The following FOCAD variants were observed in gnomAD, a reference collection of about 807,000 sequenced individuals.
FOCAD encodes focadhesin.
In FOCAD, 198 loss-of-function variants were observed where a neutral mutation model predicts 225.6. The ratio of observed to expected loss-of-function variants is 0.88; its 90% CI spans 0.78 to 0.99. The LOEUF (loss-of-function observed/expected upper bound fraction) is 0.99, where lower values mean the gene tolerates loss of function less well. FOCAD is among the 50% of genes least tolerant of loss of function. The pLI is 0.00. For missense variants in FOCAD, 2,713 were observed against 2,123.6 expected (o/e 1.28, Z -5.46); for synonymous variants, 897 against 755.0 (o/e 1.19, Z -3.08).
chr9:20,874,720 G>T lies in FOCAD; in HGVS notation c.2230G>T (p.Asp744Tyr), dbSNP rs543197802. 1.9e-6 allele frequency: 3 copies of T among 1,613,500 alleles called. No individual in the cohort carries two copies. The South Asian group carries it at 3.3e-5, about 18-fold the overall frequency. ...EIPIPEELDD[D>Y]EDVEDVDLSV... ...TCCCATTCCTGAAGAGTTAGATGAC[G>T]ATGAAGATGTTGAGGATGTGGATCT... Residue 744 changes from aspartate to tyrosine, a missense_variant, in exon 19 of 44, where the codon GAT (aspartate) becomes TAT (tyrosine). Coordinates refer to ENST00000338382, the MANE Select transcript of FOCAD (RefSeq NM_001375567.1).
intron 23 of FOCAD, 36 bp downstream of exon 23, chr9:20,912,990 T>A (rs1295435414): frequency 7.7e-6 from 12 of 1,556,296 alleles, no homozygotes; most frequent in Non-Finnish European, 9.7e-6. Context: ...TTATTTGTCA[T>A]GGGAAGTGAG....
At chr9:20,854,357 T>G (rs779854568) in intron 15 of FOCAD, among the ~76,000 whole-genome samples, 3 of 151,804 alleles carry the variant, frequency 2.0e-5, no homozygotes, top group Non-Finnish European at 4.4e-5. Flanking sequence ...ATAAAGTAGG[T>G]GTACAGTTGT....
At chr9:20,859,152 G>T (rs1828517267) in intron 15 of FOCAD, among the ~76,000 whole-genome samples, 1 of 151,984 alleles carries the variant, frequency 6.6e-6, no homozygotes. Flanking sequence ...ACGTGGGTGG[G>T]TCACCTGAGG....
intron 2 of FOCAD, among the ~76,000 whole-genome samples, chr9:20,669,189 G>A (rs1285196715): frequency 6.6e-6 from 1 of 152,134 alleles, no homozygotes; most frequent in Non-Finnish European, 1.5e-5. Context: ...ATTTAAGGGG[G>A]TGCTCATTCT....
intron 28 of FOCAD, among the ~76,000 whole-genome samples, chr9:20,935,451 A>T (rs887301516): frequency 5.3e-5 from 8 of 152,112 alleles, no homozygotes; most frequent in Admixed American, 3.9e-4. Context: ...CCTAGGCTGG[A>T]GTGCAATGGT....
intron 5 of FOCAD, among the ~76,000 whole-genome samples, chr9:20,744,882 C>A (rs1827922736): frequency 6.6e-6 from 1 of 152,152 alleles, no homozygotes; most frequent in African/African-American, 2.4e-5. Context: ...CACATCTGCT[C>A]ACAAGATGCA....
intron 15 of FOCAD, among the ~76,000 whole-genome samples, chr9:20,861,575 T>A (rs1343534701): frequency 6.6e-6 from 1 of 152,208 alleles, no homozygotes; most frequent in African/African-American, 2.4e-5. Flanking sequence ...AAATACTCTG[T>A]CTACTGTCTT....
intron 11 of FOCAD, among the ~76,000 whole-genome samples, chr9:20,810,534 T>A (rs1445229001): frequency 6.6e-6 from 1 of 152,112 alleles, no homozygotes; most frequent in Non-Finnish European, 1.5e-5. Context: ...AAGAAGGAAA[T>A]TCTATGGATA....
chr9:20,687,850 A>G (rs1822756244), intron 1 of FOCAD, among the ~76,000 whole-genome samples: 1 of 152,328 alleles, frequency 6.6e-6, no homozygotes, highest in South Asian at 2.1e-4. Context: ...TCGTTCACAT[A>G]GTATAGTGGG....
chr9:20,817,533 C>G (rs1457572075), intron 11 of FOCAD, among the ~76,000 whole-genome samples: 1 of 151,956 alleles, frequency 6.6e-6, no homozygotes, highest in Non-Finnish European at 1.5e-5. Flanking sequence ...ATTTTTATGG[C>G]TGAATAATAT....
At chr9:20,673,181 C>T (rs1056466670) in intron 2 of FOCAD, among the ~76,000 whole-genome samples, 1 of 152,004 alleles carries the variant, frequency 6.6e-6, no homozygotes, top group East Asian at 1.9e-4. Context: ...TTGTTTTTAC[C>T]CTTGGTTTTT....
intron 24 of FOCAD, among the ~76,000 whole-genome samples, chr9:20,922,942 C>T (rs1390817536): frequency 7.0e-6 from 1 of 142,238 alleles, no homozygotes; most frequent in Non-Finnish European, 1.5e-5. Context: ...CAGGTTTTTA[C>T]GTTAAATTCA....
chr9:20,767,347 G>A (rs1830135224), intron 7 of FOCAD, among the ~76,000 whole-genome samples: 1 of 138,152 alleles, frequency 7.2e-6, no homozygotes, highest in African/African-American at 2.6e-5. Context: ...CCCAGTAATG[G>A]GATAGCTGGG....
At chr9:20,944,978 TATAAG>T (rs1486087673) in intron 29 of FOCAD, among the ~76,000 whole-genome samples, 2 of 152,222 alleles carry the variant, frequency 1.3e-5, no homozygotes, top group African/African-American at 4.8e-5. Flanking sequence ...AAATGTGGCA[TATAAG>T]ATAAGAGCCT....
At chr9:20,845,442 G>GAGAGATAT (rs368497237) in intron 15 of FOCAD, among the ~76,000 whole-genome samples, 1 of 121,236 alleles carries the variant, frequency 8.2e-6, no homozygotes, top group African/African-American at 3.2e-5. Flanking sequence ...TCTTTTCCTC[G>GAGAGATAT]ATATATATAT....
At chr9:20,845,617 A>G (rs750719856) in intron 15 of FOCAD, among the ~76,000 whole-genome samples, 5 of 151,806 alleles carry the variant, frequency 3.3e-5, no homozygotes, top group Admixed American at 6.6e-5. Context: ...CATATCTCTG[A>G]TTATTTCTTT....
At chr9:20,992,523 T>A (rs1287178306) in intron 42 of FOCAD, among the ~76,000 whole-genome samples, 1 of 152,180 alleles carries the variant, frequency 6.6e-6, no homozygotes, top group African/African-American at 2.4e-5. Context: ...CCAAGTGTAC[T>A]TGGGTTCAAA....
At chr9:20,756,216 G>A (rs565784613) in intron 5 of FOCAD, among the ~76,000 whole-genome samples, 7 of 152,198 alleles carry the variant, frequency 4.6e-5, no homozygotes, top group Admixed American at 3.3e-4. Flanking sequence ...TAGCATTCCC[G>A]TCAGTCAGAA....
intron 6 of FOCAD, among the ~76,000 whole-genome samples, chr9:20,763,832 T>G (rs996597259): frequency 6.6e-6 from 1 of 152,144 alleles, no homozygotes; most frequent in Non-Finnish European, 1.5e-5. Context: ...ATGACCATAT[T>G]TTTATTTTTG....
Sources: gnomAD v4.1 joint callset for allele counts (sites outside exome capture counted in the v4.1 genomes callset) on GRCh38, gnomAD v4.1.1 for gene constraint, MANE v1.5 for transcripts, NCBI Gene and HGNC (gene_info 2026-07-23, HGNC 2026-07-21) for gene names.